GLIS3: variants seen among roughly 807,000 people sequenced by gnomAD.
The protein encoded by GLIS3 is GLIS family zinc finger 3.
Under a neutral mutation model 78.6 loss-of-function variants are expected in GLIS3, and 53 were observed. That is an observed-to-expected ratio of 0.67 (90% confidence interval 0.54 to 0.85). The LOEUF is 0.85. Ranked by LOEUF, GLIS3 falls within the 40% of genes least tolerant of loss-of-function variation. The probability of loss-of-function intolerance (pLI) is 0.00; values close to 1 mark genes in which losing one functional copy is unlikely to be tolerated. For missense variants in GLIS3, 1,703 were observed against 1,231.1 expected (o/e 1.38, Z -5.74); for synonymous variants, 684 against 509.9 (o/e 1.34, Z -4.60).
rs140371736 is a variant in GLIS3 at position 3,945,874 on chromosome 9, G to C, written c.1711-8685C>G. Among the ~76,000 whole-genome samples, 16 of 152,252 alleles carry C rather than the reference G, an allele frequency of 1.1e-4. No individual in the cohort carries two copies. The East Asian group carries it at 2.7e-3, about 26-fold the overall frequency. On this transcript the variant is annotated intron_variant, in intron 4 of 10. Coordinates refer to ENST00000381971, the MANE Select transcript of GLIS3 (RefSeq NM_001042413.2). Reference sequence around the variant, plus strand: ...GACACTACAGGTCAAAGAAGGGAAGGGGGAGGAAGAAAGTATGAGACCTAT... The same window carrying C: ...GACACTACAGGTCAAAGAAGGGAAGCGGGAGGAAGAAAGTATGAGACCTAT...
At chr9:4,054,413 C>G in intron 4 of GLIS3, 1 of 985,360 alleles carries the variant, frequency 1.0e-6, no homozygotes. Flanking sequence ...CTGAATTTAA[C>G]GGTTGGTTAC....
intron 4 of GLIS3, among the ~76,000 whole-genome samples, chr9:4,079,016 A>G (rs546760530): frequency 6.6e-6 from 1 of 152,306 alleles, no homozygotes; most frequent in South Asian, 2.1e-4. Context: ...AAACTGCTAA[A>G]TAGAACCAAA....
chr9:4,067,146 T>A (rs1033360502), intron 4 of GLIS3, among the ~76,000 whole-genome samples: 2 of 141,232 alleles, frequency 1.4e-5, no homozygotes, highest in Non-Finnish European at 3.0e-5. Flanking sequence ...TCATGTAGAC[T>A]TAGAATCTTC....
At chr9:3,928,133 G>A (rs1183124371) in intron 6 of GLIS3, among the ~76,000 whole-genome samples, 4 of 152,168 alleles carry the variant, frequency 2.6e-5, no homozygotes, top group South Asian at 2.1e-4. Flanking sequence ...TGTCATCCCC[G>A]TAACAGCATC....
In GLIS3 at chr9:3,956,874, C is replaced by T. The variant is rs117267384; in HGVS notation, c.1711-19685G>A. Among the ~76,000 whole-genome samples the T allele has an allele frequency of 1.5e-3, 223 of 152,312 alleles. 6 individuals carry two copies. The East Asian group carries it at 0.037, about 25-fold the overall frequency. ...ATGAGAGCTCCCCAAAAAGGGCAGG[C>T]TTCTGCCTCAACTCTCAGGCACATC... On this transcript the variant is annotated intron_variant, in intron 4 of 10. Transcript: ENST00000381971.
At chr9:4,400,715 G>C in the GLIS3 span, among the ~76,000 whole-genome samples, 1 of 152,092 alleles carries the variant, frequency 6.6e-6, no homozygotes, top group Non-Finnish European at 1.5e-5. Flanking sequence ...TTGCATCTTG[G>C]ATACCACCTT....
At chr9:3,985,907 T>C (rs1819706924) in intron 4 of GLIS3, among the ~76,000 whole-genome samples, 1 of 152,218 alleles carries the variant, frequency 6.6e-6, no homozygotes, top group Non-Finnish European at 1.5e-5. Context: ...AACTGTATAA[T>C]ATTGCTAATC....
chr9:4,434,086 C>G, the GLIS3 span, among the ~76,000 whole-genome samples: 1 of 128,880 alleles, frequency 7.8e-6, no homozygotes, highest in Admixed American at 8.6e-5. Context: ...CAGAGTGAGA[C>G]TCTGTCTCAA....
intron 6 of GLIS3, among the ~76,000 whole-genome samples, chr9:3,919,896 G>A (rs919647021): frequency 4.0e-5 from 6 of 151,712 alleles, no homozygotes; most frequent in Non-Finnish European, 7.4e-5. Flanking sequence ...CCCAGCAAAC[G>A]GGTATTTGGT....
intron 2 of GLIS3, among the ~76,000 whole-genome samples, chr9:4,282,678 T>A (rs969876869): frequency 1.6e-4 from 25 of 152,158 alleles, no homozygotes; most frequent in African/African-American, 5.8e-4. Flanking sequence ...TGACTCTCCC[T>A]GTAGATCCTG....
chr9:4,261,727 T>G (rs1050105523), intron 2 of GLIS3, among the ~76,000 whole-genome samples: 6 of 152,144 alleles, frequency 3.9e-5, no homozygotes, highest in Middle Eastern at 6.3e-3. Context: ...AACCCGCAAT[T>G]TCACTAAACG....
chr9:3,936,732 C>A (rs1363754336), intron 5 of GLIS3, among the ~76,000 whole-genome samples: 1 of 152,208 alleles, frequency 6.6e-6, no homozygotes, highest in African/African-American at 2.4e-5. Flanking sequence ...ACTCTCTGTA[C>A]TAAAATCTAC....
intron 2 of GLIS3, among the ~76,000 whole-genome samples, chr9:4,332,473 T>C (rs1356591101): frequency 6.6e-6 from 1 of 152,218 alleles, no homozygotes; most frequent in Non-Finnish European, 1.5e-5. Flanking sequence ...AGAATCTTTT[T>C]CACAAAACCA....
intron 2 of GLIS3, among the ~76,000 whole-genome samples, chr9:4,219,816 G>C (rs1821164193): frequency 6.6e-6 from 1 of 152,084 alleles, no homozygotes; most frequent in African/African-American, 2.4e-5. Flanking sequence ...GGTGGAGCCT[G>C]TCCAGCTGCT....
chr9:3,918,765 A>C (rs1173391847), intron 6 of GLIS3, among the ~76,000 whole-genome samples: 1 of 152,190 alleles, frequency 6.6e-6, no homozygotes, highest in Non-Finnish European at 1.5e-5. Context: ...ACACAAAAAA[A>C]CAAAAACTGT....
intron 2 of GLIS3, among the ~76,000 whole-genome samples, chr9:4,149,470 G>A (rs577426166): frequency 5.3e-4 from 81 of 152,282 alleles, no homozygotes; most frequent in African/African-American, 1.8e-3. Context: ...GAGAACACAG[G>A]ACAATTGTCA....
intron 2 of GLIS3, among the ~76,000 whole-genome samples, chr9:4,315,141 T>A (rs561687964): frequency 1.2e-4 from 18 of 152,226 alleles, no homozygotes; most frequent in Non-Finnish European, 1.5e-5. Flanking sequence ...AAGAGTCTAA[T>A]TTTGGATCTC....
the GLIS3 span, among the ~76,000 whole-genome samples, chr9:4,361,973 A>G: frequency 1.4e-4 from 21 of 152,358 alleles, no homozygotes; most frequent in South Asian, 4.1e-4. Context: ...GTTTAATGGG[A>G]AAAATCTAAG....
At chr9:4,295,297 C>T (rs1403715521) in intron 1 of GLIS3, among the ~76,000 whole-genome samples, 2 of 152,152 alleles carry the variant, frequency 1.3e-5, no homozygotes, top group Non-Finnish European at 2.9e-5. Flanking sequence ...ACTGGTGTCA[C>T]ATTAGACATT....
Sources: allele counts gnomAD v4.1 joint callset (sites outside exome capture counted in the v4.1 genomes callset), GRCh38; gene constraint gnomAD v4.1.1; transcripts MANE v1.5; gene names NCBI Gene and HGNC (gene_info 2026-07-23, HGNC 2026-07-21).